The following XIRP2 variants were observed in gnomAD, a reference collection of about 807,000 sequenced individuals.
XIRP2 encodes the protein xin actin binding repeat containing 2.
XIRP2 carries 236 observed loss-of-function variants against 277.0 expected under a neutral mutation model. That is an observed-to-expected ratio of 0.85 (90% CI 0.77 to 0.95). The LOEUF (loss-of-function observed/expected upper bound fraction) is 0.95, where lower values mean the gene tolerates loss of function less well. Ranked by LOEUF, XIRP2 falls within the 40% of genes least tolerant of loss-of-function variation. XIRP2 has a pLI of 0.00. For missense variants in XIRP2, 4,640 were observed against 4,157.5 expected (o/e 1.12, Z -3.19); for synonymous variants, 1,490 against 1,416.5 (o/e 1.05, Z -1.17).
rs745592939 is a variant in XIRP2, at chr2:167,251,019, G to A, written c.9627G>A (p.Glu3209=). The change falls in exon 9 of 11, where the codon GAG becomes GAA. Residue 3209 remains glutamate, a synonymous_variant. Coordinates refer to ENST00000409195, the MANE Select transcript of XIRP2 (RefSeq NM_152381.6). ...CPAATPVPIV[E]KRSEIIMSPA... ...CAGCAACCCCGGTTCCAATTGTAGAGAAGAGGTCTGAAATCATCATGTCTC... is the reference window on the plus strand; with the variant it reads ...CAGCAACCCCGGTTCCAATTGTAGAAAAGAGGTCTGAAATCATCATGTCTC... The A allele has an allele frequency of 5.0e-6, 8 of 1,613,542 alleles. No individual in the cohort carries two copies. The Admixed American group carries it at 1.3e-4, about 27-fold the overall frequency.
intron 5 of XIRP2, among the ~76,000 whole-genome samples, chr2:167,233,537 T>C (rs1694816407): frequency 6.6e-6 from 1 of 151,780 alleles, no homozygotes; most frequent in Non-Finnish European, 1.5e-5. Context: ...GGGCACAGAC[T>C]CAAGGGTCAT....
intron 2 of XIRP2, among the ~76,000 whole-genome samples, chr2:167,084,567 G>T (rs1380480079): frequency 3.3e-5 from 5 of 151,756 alleles, no homozygotes; most frequent in Admixed American, 3.3e-4. Flanking sequence ...AATCCATCTG[G>T]TCCTGGAGTC....
chr2:167,248,337 T>C lies in XIRP2; in HGVS notation c.6945T>C (p.Pro2315=). ...EIEFPLPPPP[P]LMMFPEKNGF... ...AATTTCCTCTTCCTCCTCCACCTCC[T>C]TTGATGATGTTTCCTGAAAAAAATG... The change falls in exon 9 of 11, where the codon CCT becomes CCC. Residue 2315 remains proline (P), a synonymous_variant. Coordinates refer to ENST00000409195, the MANE Select transcript of XIRP2 (RefSeq NM_152381.6). The C allele has an allele frequency of 6.2e-7, 1 of 1,613,708 alleles. No individual in the cohort carries two copies. Among genetic ancestry groups the C allele is most frequent in the Non-Finnish European group, 8.5e-7 (1 of 1,179,800 alleles).
At chr2:167,031,101 A>G (rs904413444) in intron 2 of XIRP2, among the ~76,000 whole-genome samples, 7 of 150,460 alleles carry the variant, frequency 4.7e-5, no homozygotes, top group Admixed American at 1.3e-4. Flanking sequence ...TACATGTGAG[A>G]TGGATCTCCT....
intron 2 of XIRP2, among the ~76,000 whole-genome samples, chr2:166,964,525 T>C (rs1206720918): frequency 6.6e-6 from 1 of 151,738 alleles, no homozygotes; most frequent in Non-Finnish European, 1.5e-5. Context: ...GGACAAGGAG[T>C]GAAACTTGCT....
chr2:167,224,884 G>T (rs1694546033), intron 5 of XIRP2, among the ~76,000 whole-genome samples: 1 of 152,130 alleles, frequency 6.6e-6, no homozygotes, highest in African/African-American at 2.4e-5. Context: ...GGAGATAATA[G>T]TTTTTTAGGA....
In XIRP2 at chr2:167,242,906, T is replaced by C. The variant is rs551304397; in HGVS notation, c.1514T>C (p.Ile505Thr). 60 of 1,614,016 alleles carry C rather than the reference T, an allele frequency of 3.7e-5. 1 individual carries two copies. The East Asian group carries it at 1.2e-3, about 33-fold the overall frequency. Residue 505 changes from isoleucine (I) to threonine (T), a missense_variant, in exon 9 of 11, where the codon ATC (isoleucine) becomes ACC (threonine). Ile to Thr is a moderately conservative substitution (Grantham distance 89). Coordinates refer to ENST00000409195, the MANE Select transcript of XIRP2 (RefSeq NM_152381.6). ...GAATTAAACCGTTTATATAAACACA[T>C]CCATCCTGAGTTAAGAAAAAACTTA... ...LYELNRLYKH[I>T]HPELRKNLEK...
intron 3 of XIRP2, among the ~76,000 whole-genome samples, chr2:167,180,414 T>G (rs1166392089): frequency 1.3e-5 from 2 of 152,184 alleles, no homozygotes; most frequent in African/African-American, 4.8e-5. Context: ...ATGGAAAAAT[T>G]TCTCAAAATT....
chr2:167,191,653 A>G lies in XIRP2; in HGVS notation c.563-19082A>G, dbSNP rs1363317039. On this transcript the variant is annotated intron_variant, in intron 3 of 10. Transcript: ENST00000409195. ...GGCTTATTTTTAAATTTTACAAAGC[A>G]TGTAAATTTGTTCATCTTTGTTAGC... Among the ~76,000 whole-genome samples the G allele has an allele frequency of 5.3e-5, 8 of 152,206 alleles. No homozygotes were observed. The East Asian group carries it at 1.5e-3, about 29-fold the overall frequency.
At chr2:167,093,655 T>A (rs1690214500) in intron 2 of XIRP2, among the ~76,000 whole-genome samples, 1 of 152,174 alleles carries the variant, frequency 6.6e-6, no homozygotes, top group African/African-American at 2.4e-5. Context: ...CTCATTCTTT[T>A]TTATGGCTGC....
intron 2 of XIRP2, among the ~76,000 whole-genome samples, chr2:167,072,148 A>AGT (rs1217252500): frequency 6.6e-6 from 1 of 152,070 alleles, no homozygotes. Flanking sequence ...TATGTAATAG[A>AGT]GTGTGTGTGT....
At chr2:167,044,591 A>C (rs191982272) in intron 2 of XIRP2, among the ~76,000 whole-genome samples, 2 of 152,154 alleles carry the variant, frequency 1.3e-5, no homozygotes, top group Non-Finnish European at 2.9e-5. Flanking sequence ...TACAAAATCA[A>C]TGTACAAAAA....
chr2:166,955,877 A>T (rs1396382471), intron 2 of XIRP2, among the ~76,000 whole-genome samples: 1 of 151,122 alleles, frequency 6.6e-6, no homozygotes, highest in Non-Finnish European at 1.5e-5. Context: ...TTTCATCACA[A>T]CCACTTTCCT....
chr2:167,008,218 G>C (rs1687559253), intron 2 of XIRP2, among the ~76,000 whole-genome samples: 1 of 151,576 alleles, frequency 6.6e-6, no homozygotes, highest in Non-Finnish European at 1.5e-5. Context: ...TATCTTCAGA[G>C]ATCAAACAAA....
intron 5 of XIRP2, among the ~76,000 whole-genome samples, chr2:167,223,785 C>T (rs558605393): frequency 2.0e-5 from 3 of 152,198 alleles, no homozygotes. Context: ...CTTGTATTGT[C>T]TTTTAATTAT....
intron 1 of XIRP2, among the ~76,000 whole-genome samples, chr2:166,899,872 C>T (rs977474996): frequency 1.3e-5 from 2 of 151,986 alleles, no homozygotes; most frequent in South Asian, 2.1e-4. Flanking sequence ...AGTGCATTAC[C>T]GTCCTATGCC....
At chr2:166,917,660 A>G (rs1208090832) in intron 2 of XIRP2, among the ~76,000 whole-genome samples, 1 of 152,046 alleles carries the variant, frequency 6.6e-6, no homozygotes, top group Non-Finnish European at 1.5e-5. Flanking sequence ...AAGGATGTTA[A>G]GCAATATTGA....
rs1229558516 is a variant in XIRP2, at chr2:167,107,036, C to G, written c.409-28873C>G. ...ATATATATTGCGTGACCTTCCCAAA[C>G]TCATTCTTTAGTTTCAGAATGTTTT... On this transcript the variant is annotated intron_variant, in intron 2 of 10. Coordinates refer to ENST00000409195, the MANE Select transcript of XIRP2 (RefSeq NM_152381.6). Among the ~76,000 whole-genome samples, 7 of 151,508 alleles carry G rather than the reference C, an allele frequency of 4.6e-5. No homozygotes were observed. The East Asian group carries it at 1.3e-3, about 29-fold the overall frequency.
intron 3 of XIRP2, among the ~76,000 whole-genome samples, chr2:167,181,642 G>T (rs6748606): frequency 0.096 from 14,579 of 151,788 alleles, 762 homozygotes; most frequent in South Asian, 0.16. Context: ...TTTTCCTCCA[G>T]AACAAATATC....
Sources: allele counts gnomAD v4.1 joint callset (sites outside exome capture counted in the v4.1 genomes callset), GRCh38; gene constraint gnomAD v4.1.1; transcripts MANE v1.5; gene names NCBI Gene and HGNC (gene_info 2026-07-23, HGNC 2026-07-21).